Variants in AKAP6 observed in about 807,000 individuals in gnomAD.
AKAP6 encodes the protein A-kinase anchoring protein 6, also known as A-kinase anchor protein 6.
In AKAP6, 58 loss-of-function variants were observed where a neutral mutation model predicts 188.5. The observed-to-expected ratio is 0.31, with a 90% CI of 0.25 to 0.38. The LOEUF is 0.38. Ranked by LOEUF, AKAP6 falls within the 10% of genes least tolerant of loss-of-function variation. AKAP6 has a pLI of 1.00. For missense variants in AKAP6, 2,710 were observed against 2,740.0 expected (o/e 0.99, Z 0.24); for synonymous variants, 989 against 998.6 (o/e 0.99, Z 0.18).
At chr14:32,775,296 G>T (rs1368882904) in intron 12 of AKAP6, among the ~76,000 whole-genome samples, 1 of 146,574 alleles carries the variant, frequency 6.8e-6, no homozygotes, top group Non-Finnish European at 1.5e-5. Context: ...ACTGCAGCAG[G>T]CAAAGTTGTG....
At position 32,568,701 on chromosome 14, in the gene AKAP6, G is replaced by A. The variant is rs1485183961; in HGVS notation, c.2347-8419G>A. 6.6e-6 allele frequency among the ~76,000 whole-genome samples: 1 copy of A among 152,120 alleles called. No homozygotes were observed. Among genetic ancestry groups the A allele is most frequent in the Non-Finnish European group, 1.5e-5 (1 of 68,024 alleles). ...CCCCAGCTTCATACCTGACAATGTT[G>A]GGAGCTTGTAAAGTGTTTGATCTTG... is the stretch of plus-strand genomic sequence containing the variant. On this transcript the variant is annotated intron_variant, in intron 4 of 13. Coordinates refer to ENST00000280979, the MANE Select transcript of AKAP6 (RefSeq NM_004274.5). The surrounding 1 kb of genome is among the most constrained non-coding windows in gnomAD (Gnocchi z 6.2).
intron 1 of AKAP6, among the ~76,000 whole-genome samples, chr14:32,398,803 T>C (rs1594576694): frequency 1.7e-5 from 2 of 118,602 alleles, no homozygotes; most frequent in African/African-American, 6.1e-5. Flanking sequence ...TCTCTCTCTC[T>C]CCCCCTCCCC....
chr14:32,354,295 CAAA>C (rs796950806), intron 1 of AKAP6, among the ~76,000 whole-genome samples: 2 of 136,190 alleles, frequency 1.5e-5, no homozygotes, highest in Non-Finnish European at 1.6e-5. Context: ...AGCCCTGTCT[CAAA>C]AAAAAAAAAA....
At chr14:32,663,834 A>G (rs1042609613) in intron 7 of AKAP6, among the ~76,000 whole-genome samples, 4 of 152,130 alleles carry the variant, frequency 2.6e-5, no homozygotes, top group Non-Finnish European at 4.4e-5. Context: ...TCTTTCCTTT[A>G]AATAGATTTT....
chr14:32,355,055 A>T (rs1314934809), intron 1 of AKAP6, among the ~76,000 whole-genome samples: 1 of 151,982 alleles, frequency 6.6e-6, no homozygotes, highest in Non-Finnish European at 1.5e-5. Flanking sequence ...GGACATCCTC[A>T]TTTCCTGTCC....
At position 32,821,422 on chromosome 14, in the gene AKAP6, T is replaced by A. The variant is rs368360401; in HGVS notation, c.3609T>A (p.Asp1203Glu). ...GKESETLNVI[D>E]PGLMDLNGMS... ...CACAGGAGACTTTGAATGTGATTGA[T>A]CCTGGCTTGATGGACCTAAATGGGA... Residue 1203 changes from aspartate (D) to glutamate (E), a missense_variant, in exon 13 of 14, where the codon GAT (aspartate) becomes GAA (glutamate). Asp to Glu is a conservative substitution (Grantham distance 45, BLOSUM62 2). Around this residue, in one of 2 missense-constraint regions of AKAP6, gnomAD observed 2,473 missense variants for 2,426.1 expected, o/e 1.02. Transcript: ENST00000280979. The A allele has an allele frequency of 1.8e-4, 287 of 1,611,242 alleles. No homozygotes were observed. The highest frequency in any genetic ancestry group is 2.4e-4 in the Non-Finnish European group (285 of 1,178,446).
chr14:32,797,163 T>A (rs2033796436), intron 12 of AKAP6, among the ~76,000 whole-genome samples: 1 of 152,132 alleles, frequency 6.6e-6, no homozygotes, highest in Non-Finnish European at 1.5e-5. Flanking sequence ...AAAGGAACAC[T>A]TTTACACTGT....
chr14:32,622,340 TG>T (rs1368482259), intron 7 of AKAP6, among the ~76,000 whole-genome samples: 2 of 152,176 alleles, frequency 1.3e-5, no homozygotes, highest in Admixed American at 6.5e-5. Context: ...AAAACTTTAA[TG>T]TTTTTTTCAA....
intron 11 of AKAP6, among the ~76,000 whole-genome samples, chr14:32,765,091 C>T (rs1161701602): frequency 1.3e-5 from 2 of 151,842 alleles, no homozygotes; most frequent in African/African-American, 2.4e-5. Flanking sequence ...CATGCCACCA[C>T]GCCCAGCTAA....
At chr14:32,794,350 C>T (rs1003213518) in intron 12 of AKAP6, among the ~76,000 whole-genome samples, 2 of 152,122 alleles carry the variant, frequency 1.3e-5, no homozygotes, top group Admixed American at 1.3e-4. Flanking sequence ...CACTTGAGGC[C>T]AGGAGTTCAG....
chr14:32,619,456 T>C (rs1376250632), intron 7 of AKAP6, among the ~76,000 whole-genome samples: 2 of 152,170 alleles, frequency 1.3e-5, no homozygotes, highest in Non-Finnish European at 2.9e-5. Flanking sequence ...TGTTTTTGAA[T>C]GCTTTGTTGA....
At chr14:32,461,690 C>T (rs1037989723) in intron 2 of AKAP6, among the ~76,000 whole-genome samples, 2 of 151,938 alleles carry the variant, frequency 1.3e-5, no homozygotes, top group Non-Finnish European at 2.9e-5. Flanking sequence ...ATGATTGCAA[C>T]TCCTCTTGAG....
At chr14:32,617,967 C>CT (rs1886653830) in intron 7 of AKAP6, among the ~76,000 whole-genome samples, 1 of 151,956 alleles carries the variant, frequency 6.6e-6, no homozygotes, top group Non-Finnish European at 1.5e-5. Flanking sequence ...GCGTTTGTTC[C>CT]TTTTTTGTGA....
At chr14:32,457,965 A>G (rs1423622608) in intron 2 of AKAP6, among the ~76,000 whole-genome samples, 3 of 152,222 alleles carry the variant, frequency 2.0e-5, no homozygotes, top group African/African-American at 4.8e-5. Context: ...CAGACATTCT[A>G]TGGTACAGTT....
chr14:32,556,446 G>A (rs545175864), intron 4 of AKAP6, among the ~76,000 whole-genome samples: 2 of 152,046 alleles, frequency 1.3e-5, no homozygotes, highest in Admixed American at 6.6e-5. Context: ...AGGCTCAATC[G>A]ATCCACCTGC....
Position 32,732,660 on chromosome 14 carries a change from C to T in AKAP6, c.3147+60C>T, listed in dbSNP as rs903923013. On this transcript the variant is annotated intron_variant, in intron 10 of 13. Coordinates refer to ENST00000280979, the MANE Select transcript of AKAP6 (RefSeq NM_004274.5). ...TGTACATTTTTTGCGTAGTGAAGTA[C>T]TCTGTCCGATTTCTAATTTGAGGCA... 7.0e-6 allele frequency: 11 copies of T among 1,564,802 alleles called. No homozygotes were observed. The East Asian group carries it at 1.8e-4, about 26-fold the overall frequency.
intron 1 of AKAP6, chr14:32,385,077 A>G (rs929825744): frequency 1.3e-5 from 2 of 151,802 alleles, no homozygotes; most frequent in Non-Finnish European, 2.9e-5. Flanking sequence ...TTCACCTGTC[A>G]TGATGCTGTC....
chr14:32,687,828 G>A (rs2139670883), intron 8 of AKAP6, among the ~76,000 whole-genome samples: 1 of 152,082 alleles, frequency 6.6e-6, no homozygotes, highest in South Asian at 2.1e-4. Flanking sequence ...CTGCTTCCTG[G>A]ATAAATGATA....
intron 5 of AKAP6, among the ~76,000 whole-genome samples, chr14:32,584,938 T>C (rs1433579662): frequency 6.6e-6 from 1 of 152,192 alleles, no homozygotes; most frequent in Non-Finnish European, 1.5e-5. Flanking sequence ...TTTTATTGCC[T>C]TAAGAAACAG....
Sources: gnomAD v4.1 joint callset for allele counts (sites outside exome capture counted in the v4.1 genomes callset) on GRCh38, gnomAD v4.1.1 for gene constraint, gnomAD v4.1.1 regional missense constraint, Gnocchi (gnomAD v3.1) non-coding constraint, MANE v1.5 for transcripts, NCBI Gene and HGNC (gene_info 2026-07-23, HGNC 2026-07-21) for gene names.